IQCM: variants seen among roughly 807,000 people sequenced by gnomAD.
IQCM encodes the protein IQ motif containing M, also known as IQ domain-containing protein M.
A neutral mutation model predicts 57.6 loss-of-function variants in IQCM; 45 were observed. The ratio of observed to expected loss-of-function variants is 0.78; its 90% CI spans 0.62 to 1.00. IQCM has a LOEUF of 1.00. Among genes scored for constraint, IQCM ranks in the 50% least tolerant of loss-of-function variants. The pLI, the probability that IQCM is intolerant of heterozygous loss-of-function variation, is 0.00. For missense variants in IQCM, 468 were observed against 511.6 expected (o/e 0.91, Z 0.82); for synonymous variants, 148 against 158.9 (o/e 0.93, Z 0.51).
At position 149,531,682 on chromosome 4, in the gene IQCM, T is replaced by C. The variant is rs1018800999; in HGVS notation, c.1228+16773A>G. On this transcript the variant is annotated intron_variant, in intron 12 of 13. Coordinates refer to ENST00000636793, the MANE Select transcript of IQCM (RefSeq NM_001363507.2). ...GCAACTGTTATAAATATGTAGAAAT[T>C]TCTTGGATGTAAACTGGCAGCCATC... 5.3e-5 allele frequency among the ~76,000 whole-genome samples: 8 copies of C among 152,070 alleles called. No individual in the cohort carries two copies. In the East Asian group the frequency reaches 1.3e-3, roughly 26 times the overall value.
intron 7 of IQCM, among the ~76,000 whole-genome samples, chr4:149,637,998 A>T (rs1757868822): frequency 6.6e-6 from 1 of 152,262 alleles, no homozygotes; most frequent in African/African-American, 2.4e-5. Context: ...GCAAGAAAAA[A>T]GTAGGCAAGC....
At chr4:149,802,336 G>A (rs930098249) in intron 2 of IQCM, among the ~76,000 whole-genome samples, 8 of 151,788 alleles carry the variant, frequency 5.3e-5, no homozygotes, top group African/African-American at 1.5e-4. Context: ...ACTTCACCTC[G>A]AGCTAAATAT....
rs947501868 is a variant in IQCM at position 149,382,122 on chromosome 4, A to G, written c.1391-30056T>C. On this transcript the variant is annotated intron_variant, in intron 13 of 13. Transcript: ENST00000636793. The stretch of plus-strand genomic sequence containing the variant: ...ATTTTTAATTTTTTTGTTTCTCTCT[A>G]CTAAAATATAAACTCTTTGCTGGCA... Among the ~76,000 whole-genome samples, 6 of 152,026 alleles carry G rather than the reference A, an allele frequency of 3.9e-5. 2 individuals are homozygous for G. Among genetic ancestry groups the G allele is most frequent in the Admixed American group, 3.9e-4 (6 of 15,244 alleles).
intron 12 of IQCM, among the ~76,000 whole-genome samples, chr4:149,461,771 G>A (rs1008103039): frequency 2.6e-5 from 4 of 151,478 alleles, no homozygotes; most frequent in Admixed American, 6.6e-5. Flanking sequence ...TTCCAATATG[G>A]CAAATTTCTT....
intron 12 of IQCM, among the ~76,000 whole-genome samples, chr4:149,457,724 T>C (rs1359055611): frequency 6.6e-6 from 1 of 152,040 alleles, no homozygotes; most frequent in African/African-American, 2.4e-5. Context: ...GCCAACGTTA[T>C]GGTTTAAAGA....
intron 13 of IQCM, among the ~76,000 whole-genome samples, chr4:149,421,071 T>C (rs1734089339): frequency 6.6e-6 from 1 of 151,862 alleles, no homozygotes; most frequent in South Asian, 2.1e-4. Flanking sequence ...CATTTTATTC[T>C]CTGCATATTT....
chr4:149,710,260 A>G (rs1270982133), intron 5 of IQCM, among the ~76,000 whole-genome samples: 2 of 152,116 alleles, frequency 1.3e-5, no homozygotes, highest in Non-Finnish European at 2.9e-5. Flanking sequence ...ACAAATTAAA[A>G]TCAGGCTTCA....
chr4:149,793,281 C>T (rs1227381721), intron 2 of IQCM, among the ~76,000 whole-genome samples: 4 of 152,082 alleles, frequency 2.6e-5, no homozygotes, highest in African/African-American at 9.7e-5. Context: ...GGGTCAGAAC[C>T]ACCTCAAAAT....
chr4:149,356,207 T>C (rs1304316629), intron 13 of IQCM, among the ~76,000 whole-genome samples: 1 of 152,224 alleles, frequency 6.6e-6, no homozygotes, highest in East Asian at 1.9e-4. Flanking sequence ...CTGTTCACTC[T>C]GATGGTGGTT....
intron 12 of IQCM, among the ~76,000 whole-genome samples, chr4:149,533,099 T>C (rs943407715): frequency 3.9e-5 from 6 of 152,026 alleles, no homozygotes; most frequent in Non-Finnish European, 5.9e-5. Context: ...GCAAGTAATT[T>C]AGTGTATTTA....
chr4:149,675,484 G>C (rs570250356), intron 7 of IQCM, among the ~76,000 whole-genome samples: 78 of 152,088 alleles, frequency 5.1e-4, no homozygotes, highest in Non-Finnish European at 9.6e-4. Context: ...GGCCAGGAAG[G>C]GGAAGGAAAC....
At chr4:149,682,807 G>A (rs939562258) in intron 6 of IQCM, among the ~76,000 whole-genome samples, 3 of 150,932 alleles carry the variant, frequency 2.0e-5, no homozygotes, top group Admixed American at 1.3e-4. Flanking sequence ...GATGCTCATT[G>A]TATAAATGAA....
At chr4:149,516,002 T>C (rs1196542375) in intron 12 of IQCM, among the ~76,000 whole-genome samples, 2 of 152,180 alleles carry the variant, frequency 1.3e-5, no homozygotes, top group Non-Finnish European at 2.9e-5. Flanking sequence ...TAGCCACCTG[T>C]CATTGCCCAG....
intron 13 of IQCM, among the ~76,000 whole-genome samples, chr4:149,363,741 A>C (rs1729650265): frequency 6.6e-6 from 1 of 152,208 alleles, no homozygotes; most frequent in South Asian, 2.1e-4. Flanking sequence ...TTAAATAATC[A>C]GGTCCTGTTT....
intron 2 of IQCM, among the ~76,000 whole-genome samples, chr4:149,794,012 C>T (rs1246498009): frequency 6.6e-6 from 1 of 152,178 alleles, no homozygotes; most frequent in Non-Finnish European, 1.5e-5. Context: ...GAGTGTTCTA[C>T]AGTGTTTAAC....
chr4:149,508,708 C>G (rs1396263710), intron 12 of IQCM, among the ~76,000 whole-genome samples: 1 of 152,096 alleles, frequency 6.6e-6, no homozygotes, highest in Admixed American at 6.5e-5. Flanking sequence ...TGAGTTAATG[C>G]TGAAATGAGT....
chr4:149,785,530 C>T (rs1027950077), intron 2 of IQCM, among the ~76,000 whole-genome samples: 2 of 151,680 alleles, frequency 1.3e-5, no homozygotes, highest in Admixed American at 1.3e-4. Context: ...AATAATATAA[C>T]CAACAAAACT....
chr4:149,514,015 T>A (rs1479769170), intron 12 of IQCM, among the ~76,000 whole-genome samples: 1 of 152,128 alleles, frequency 6.6e-6, no homozygotes, highest in Non-Finnish European at 1.5e-5. Context: ...CTATGTTATG[T>A]TTGTTTTATG....
chr4:149,386,227 G>A (rs1459259885), intron 13 of IQCM, among the ~76,000 whole-genome samples: 1 of 152,054 alleles, frequency 6.6e-6, no homozygotes, highest in Non-Finnish European at 1.5e-5. Flanking sequence ...TGAAAACTCT[G>A]GGTGTCATGT....
Sources: allele counts gnomAD v4.1 joint callset (sites outside exome capture counted in the v4.1 genomes callset), GRCh38; gene constraint gnomAD v4.1.1; transcripts MANE v1.5; gene names NCBI Gene and HGNC (gene_info 2026-07-23, HGNC 2026-07-21).